Variants in COL6A6 observed in about 807,000 individuals in gnomAD.
COL6A6 encodes the protein collagen type VI alpha 6 chain, also known as collagen alpha-6(VI) chain.
Under a neutral mutation model 208.6 loss-of-function variants are expected in COL6A6, and 183 were observed. The observed-to-expected ratio is 0.88, with a 90% CI of 0.78 to 0.99. The LOEUF is 0.99. Ranked by LOEUF, COL6A6 falls within the 50% of genes least tolerant of loss-of-function variation. The probability of loss-of-function intolerance (pLI) is 0.00; values close to 1 mark genes in which losing one functional copy is unlikely to be tolerated. For synonymous variants in COL6A6, 973 were observed against 1,011.8 expected (o/e 0.96, Z 0.73); for missense variants, 2,816 against 2,815.2 (o/e 1.00, Z -0.01).
Position 130,568,499 on chromosome 3 carries a change from G to C in COL6A6, c.2296G>C (p.Glu766Gln), listed in dbSNP as rs2063086119. Residue 766 changes from glutamate to glutamine, a missense_variant, in exon 6 of 37, where the codon GAG (glutamate) becomes CAG (glutamine). Transcript: ENST00000358511. ...GVFGSNVTQLEEISGRPEMVF... is the reference protein window; with the variant it reads ...GVFGSNVTQLQEISGRPEMVF... ...GTTTGGCTCCAATGTCACCCAGCTT[G>C]AGGAGATCAGTGGGAGGCCCGAGAT... 1 of 1,613,664 alleles carries C rather than the reference G, an allele frequency of 6.2e-7. No individual in the cohort carries two copies. The highest frequency in any genetic ancestry group is 1.1e-5 in the South Asian group (1 of 91,080).
At chr3:130,538,189 T>A (rs541278095) in intron 1 of COL6A6, among the ~76,000 whole-genome samples, 1 of 152,332 alleles carries the variant, frequency 6.6e-6, no homozygotes, top group Admixed American at 6.5e-5. Flanking sequence ...GACTTAGATG[T>A]TTCCCTTGTA....
chr3:130,671,631 G>A (rs1454590737), intron 36 of COL6A6, among the ~76,000 whole-genome samples: 1 of 152,232 alleles, frequency 6.6e-6, no homozygotes, highest in Non-Finnish European at 1.5e-5. Flanking sequence ...AGGATTGAGG[G>A]AGATGAGAAT....
Position 130,589,185 on chromosome 3 carries a change from G to A in COL6A6, c.4218+3G>A. ...ATCCTGGACCACCAGGGAAAAGGGT[G>A]ATTTTAGCTCAGATTTATGGGTTAC... On this transcript the variant is annotated splice_donor_region_variant and intron_variant, in intron 12 of 36. Transcript: ENST00000358511. 1 of 1,608,660 alleles carries A rather than the reference G, an allele frequency of 6.2e-7. No homozygotes were observed.
At chr3:130,642,229 C>G (rs2065332956) in intron 29 of COL6A6, among the ~76,000 whole-genome samples, 1 of 148,358 alleles carries the variant, frequency 6.7e-6, no homozygotes, top group Non-Finnish European at 1.5e-5. Flanking sequence ...CTATCCCAAA[C>G]TCTGACAGAT....
At chr3:130,621,712 C>A in intron 23 of COL6A6, 109 bp from the exon 24 acceptor site, 1 of 847,020 alleles carries the variant, frequency 1.2e-6, no homozygotes, top group Non-Finnish European at 1.9e-6. Context: ...ATCGATACAG[C>A]CATAACTCTT....
intron 29 of COL6A6, among the ~76,000 whole-genome samples, chr3:130,642,592 C>T (rs954649864): frequency 4.6e-5 from 7 of 152,136 alleles, no homozygotes; most frequent in South Asian, 2.1e-4. Context: ...GAGATGGACC[C>T]GGAGGAAAGC....
Position 130,565,343 on chromosome 3 carries a change from G to T in COL6A6, c.1011G>T (p.Val337=). The T allele has an allele frequency of 6.2e-7, 1 of 1,608,842 alleles. No homozygotes were observed. Among genetic ancestry groups the T allele is most frequent in the South Asian group, 1.1e-5 (1 of 90,736 alleles). Residue 337 remains valine, a synonymous_variant, in exon 4 of 37, where the codon GTG becomes GTT. Transcript: ENST00000358511. Reference sequence around the variant, plus strand: ...ATCAGGGGGTGCCCCAGATTGCCGTGCTGGTGACCCACCGAGATTCAGAAG... The same window carrying T: ...ATCAGGGGGTGCCCCAGATTGCCGTTCTGGTGACCCACCGAGATTCAGAAG... ...RKNQGVPQIA[V]LVTHRDSEDN...
intron 11 of COL6A6, among the ~76,000 whole-genome samples, chr3:130,588,487 A>G (rs904756853): frequency 6.6e-6 from 1 of 152,240 alleles, no homozygotes; most frequent in Admixed American, 6.5e-5. Context: ...ACCAGAGTAT[A>G]AAGAGTAATA....
Position 130,586,623 on chromosome 3 carries a change from G to T in COL6A6, c.4088G>T (p.Gly1363Val). The change falls in exon 11 of 37, where the codon GGC becomes GTC. Residue 1363 changes from glycine to valine, a missense_variant. Gly to Val is a moderately radical substitution (Grantham distance 109). Transcript: ENST00000358511. ...GFEYRTQLSI[G>V]MRELGSRLSK... Reference sequence around the variant, plus strand: ...GAGTACAGGACACAGCTCTCTATTGGCATGAGAGAACTTGGAAGCCGGCTG... The same window carrying T: ...GAGTACAGGACACAGCTCTCTATTGTCATGAGAGAACTTGGAAGCCGGCTG... The T allele has an allele frequency of 6.2e-7, 1 of 1,613,242 alleles. No individual in the cohort carries two copies. The highest frequency in any genetic ancestry group is 1.1e-5 in the South Asian group (1 of 90,772).
At position 130,566,990 on chromosome 3, in the gene COL6A6, G is replaced by C; in HGVS notation, c.1571G>C (p.Ser524Thr). ...NTGAALNFTL[S>T]LLQKAKKQRG... Reference sequence around the variant, plus strand: ...GGCGCAGCACTGAATTTCACACTGAGTCTGTTGCAAAAAGCAAAGAAGCAG... The same window carrying C: ...GGCGCAGCACTGAATTTCACACTGACTCTGTTGCAAAAAGCAAAGAAGCAG... Residue 524 changes from serine (S) to threonine (T), a missense_variant, in exon 5 of 37, where the codon AGT becomes ACT. Coordinates refer to ENST00000358511, the MANE Select transcript of COL6A6 (RefSeq NM_001102608.3). 1 of 1,614,056 alleles carries C rather than the reference G, an allele frequency of 6.2e-7. No individual in the cohort carries two copies. Among genetic ancestry groups the C allele is most frequent in the East Asian group, 2.2e-5 (1 of 44,886 alleles).
Position 130,547,084 on chromosome 3 carries a change from G to A in COL6A6, c.-31-13250G>A, listed in dbSNP as rs986995927. On this transcript the variant is annotated intron_variant, in intron 1 of 36. Transcript: ENST00000358511. Reference sequence around the variant, plus strand: ...TGCCTGCACTCCTCAGCCCTTGGGCGGTTGATGCGACCTGGCGCCACAGAG... The same window carrying A: ...TGCCTGCACTCCTCAGCCCTTGGGCAGTTGATGCGACCTGGCGCCACAGAG... Among the ~76,000 whole-genome samples, 16 of 152,368 alleles carry A rather than the reference G, an allele frequency of 1.1e-4. 1 individual carries two copies. Among genetic ancestry groups the A allele is most frequent in the African/African-American group, 3.4e-4 (14 of 41,592 alleles).
At chr3:130,671,415 T>C (rs931991998) in intron 36 of COL6A6, among the ~76,000 whole-genome samples, 7 of 152,256 alleles carry the variant, frequency 4.6e-5, no homozygotes, top group African/African-American at 1.7e-4. Context: ...GATGCTCAGC[T>C]TCTCCTATGT....
intron 20 of COL6A6, among the ~76,000 whole-genome samples, chr3:130,606,679 A>G (rs935500329): frequency 3.3e-5 from 5 of 152,222 alleles, no homozygotes; most frequent in African/African-American, 7.2e-5. Context: ...TCTCATAAGT[A>G]TCTGTAGATT....
intron 36 of COL6A6, among the ~76,000 whole-genome samples, 200 bp from the exon 37 acceptor site, chr3:130,675,002 A>C (rs547565271): frequency 6.6e-6 from 1 of 152,354 alleles, no homozygotes; most frequent in African/African-American, 2.4e-5. Context: ...ATACTTTTGC[A>C]TACTTTGATG....
chr3:130,634,593 C>A lies in COL6A6; in HGVS notation c.4996C>A (p.Gln1666Lys). 1 of 1,606,520 alleles carries A rather than the reference C, an allele frequency of 6.2e-7. No homozygotes were observed. Residue 1666 changes from glutamine (Q) to lysine (K), a missense_variant, in exon 27 of 37, where the codon CAA becomes AAA. Gln to Lys is a moderately conservative substitution (Grantham distance 53). Coordinates refer to ENST00000358511, the MANE Select transcript of COL6A6 (RefSeq NM_001102608.3). ...GSVGRKGAKG[Q>K]EGFPGESGPK... ...TCTTTCCTCCTGTCCATTACAGGGA[C>A]AAGAAGGATTCCCTGGAGAAAGTGG... is the stretch of plus-strand genomic sequence containing the variant.
intron 36 of COL6A6, among the ~76,000 whole-genome samples, chr3:130,672,917 G>A (rs2108498085): frequency 6.6e-6 from 1 of 151,126 alleles, no homozygotes; most frequent in African/African-American, 2.4e-5. Context: ...GCTGAGGCAG[G>A]AGAATCACTC....
At chr3:130,627,772 C>T (rs1422730367) in intron 26 of COL6A6, among the ~76,000 whole-genome samples, 1 of 151,864 alleles carries the variant, frequency 6.6e-6, no homozygotes, top group African/African-American at 2.4e-5. Flanking sequence ...ATGTACTGGC[C>T]CAAGCAATAA....
intron 1 of COL6A6, among the ~76,000 whole-genome samples, chr3:130,522,019 G>T (rs1005418972): frequency 6.6e-6 from 1 of 152,156 alleles, no homozygotes; most frequent in African/African-American, 2.4e-5. Flanking sequence ...TCCAGGGTCT[G>T]CTTTTGGGAG....
At chr3:130,538,396 C>A (rs6772929) in intron 1 of COL6A6, among the ~76,000 whole-genome samples, 3 of 152,078 alleles carry the variant, frequency 2.0e-5, no homozygotes, top group Admixed American at 6.5e-5. Context: ...CCTTGCCAGG[C>A]GGTGCCTTTT....
Sources: gnomAD v4.1 joint callset for allele counts (sites outside exome capture counted in the v4.1 genomes callset) on GRCh38, gnomAD v4.1.1 for gene constraint, MANE v1.5 for transcripts, NCBI Gene and HGNC (gene_info 2026-07-23, HGNC 2026-07-21) for gene names.